Variants in TXNDC16 observed in about 807,000 individuals in gnomAD.
TXNDC16 encodes the protein thioredoxin domain-containing protein 16.
In TXNDC16, 74 loss-of-function variants were observed where a neutral mutation model predicts 85.6. The ratio of observed to expected loss-of-function variants is 0.86; its 90% CI spans 0.72 to 1.05. The LOEUF is 1.05. Among genes scored for constraint, TXNDC16 ranks in the 50% least tolerant of loss-of-function variants. The pLI is 0.00. For missense variants in TXNDC16, 959 were observed against 947.0 expected (o/e 1.01, Z -0.17); for synonymous variants, 335 against 326.5 (o/e 1.03, Z -0.28).
chr14:52,473,020 T>C (rs2035944443), intron 14 of TXNDC16, among the ~76,000 whole-genome samples: 1 of 152,126 alleles, frequency 6.6e-6, no homozygotes, highest in Non-Finnish European at 1.5e-5. Flanking sequence ...AAGATTAAGG[T>C]GGGGCGACCA....
chr14:52,550,895 G>A (rs2038029147), intron 1 of TXNDC16, among the ~76,000 whole-genome samples: 1 of 152,140 alleles, frequency 6.6e-6, no homozygotes, highest in Non-Finnish European at 1.5e-5. Context: ...GAAGAGAATT[G>A]TGTACCGCCC....
At chr14:52,540,439 A>G (rs766169835) in intron 4 of TXNDC16, among the ~76,000 whole-genome samples, 14 of 152,150 alleles carry the variant, frequency 9.2e-5, no homozygotes, top group Non-Finnish European at 2.1e-4. Flanking sequence ...AGCCTGACCA[A>G]TATGGTGAAA....
At chr14:52,527,053 T>C (rs2037353137) in intron 6 of TXNDC16, among the ~76,000 whole-genome samples, 1 of 152,240 alleles carries the variant, frequency 6.6e-6, no homozygotes, top group African/African-American at 2.4e-5. Context: ...CATCTTTTCA[T>C]CTGTATCCTT....
chr14:52,488,831 G>GGGAAAAAAAAAA (rs1336603891), intron 11 of TXNDC16, among the ~76,000 whole-genome samples: 1 of 89,958 alleles, frequency 1.1e-5, no homozygotes, highest in Non-Finnish European at 2.2e-5. Context: ...GAGACTCTGG[G>GGGAAAAAAAAAA]AAAAAAAAAA....
At chr14:52,543,289 G>A (rs534929437) in intron 3 of TXNDC16, 109 bp downstream of exon 3, 1 of 1,196,360 alleles carries the variant, frequency 8.4e-7, no homozygotes, top group Admixed American at 2.6e-5. Context: ...TATAGTAACA[G>A]CTATATAGCA....
intron 6 of TXNDC16, among the ~76,000 whole-genome samples, chr14:52,529,574 TA>T (rs2037430890): frequency 1.1e-5 from 1 of 93,014 alleles, no homozygotes; most frequent in African/African-American, 4.9e-5. Flanking sequence ...CTATTATATA[TA>T]ATATATATAA....
chr14:52,520,904 T>C (rs1313627652), intron 6 of TXNDC16, among the ~76,000 whole-genome samples: 2 of 152,154 alleles, frequency 1.3e-5, no homozygotes, highest in South Asian at 2.1e-4. Context: ...AGGAAACTTT[T>C]ATATCCTTTA....
intron 11 of TXNDC16, among the ~76,000 whole-genome samples, chr14:52,489,475 T>A (rs775162038): frequency 6.6e-6 from 1 of 152,194 alleles, no homozygotes; most frequent in Non-Finnish European, 1.5e-5. Flanking sequence ...TGCTATCACA[T>A]ATCTTCATTT....
intron 1 of TXNDC16, among the ~76,000 whole-genome samples, chr14:52,544,951 A>G (rs536832071): frequency 6.6e-6 from 1 of 152,262 alleles, no homozygotes; most frequent in East Asian, 1.9e-4. Flanking sequence ...AAACCAGCCT[A>G]TTTTAAAGCT....
chr14:52,534,778 A>C (rs1040180644), intron 6 of TXNDC16, among the ~76,000 whole-genome samples: 3 of 152,216 alleles, frequency 2.0e-5, no homozygotes, highest in Non-Finnish European at 4.4e-5. Flanking sequence ...CTAAATTCCT[A>C]CAGAACAGAA....
chr14:52,539,540 A>T (rs1347301435), intron 4 of TXNDC16, among the ~76,000 whole-genome samples: 1 of 152,220 alleles, frequency 6.6e-6, no homozygotes, highest in Non-Finnish European at 1.5e-5. Flanking sequence ...CATGGTAGTG[A>T]TGTATCCTGA....
intron 16 of TXNDC16, among the ~76,000 whole-genome samples, chr14:52,459,751 G>T (rs1373652349): frequency 6.6e-6 from 1 of 152,174 alleles, no homozygotes; most frequent in African/African-American, 2.4e-5. Context: ...GGGATGCAAG[G>T]TTAGTTCAAC....
At chr14:52,477,091 G>A (rs1230459793) in intron 14 of TXNDC16, among the ~76,000 whole-genome samples, 1 of 152,094 alleles carries the variant, frequency 6.6e-6, no homozygotes, top group African/African-American at 2.4e-5. Flanking sequence ...CCTAAGTGGA[G>A]GAAAGATACA....
chr14:52,529,901 A>G (rs2037453014), intron 6 of TXNDC16, among the ~76,000 whole-genome samples: 1 of 104,844 alleles, frequency 9.5e-6, no homozygotes, highest in South Asian at 3.0e-4. Context: ...TATATTATAT[A>G]TTATATATTA....
chr14:52,524,650 C>T (rs1427863908), intron 6 of TXNDC16, among the ~76,000 whole-genome samples: 2 of 152,076 alleles, frequency 1.3e-5, no homozygotes, highest in Non-Finnish European at 2.9e-5. Context: ...CATCACCATG[C>T]CTGGCTAAAT....
rs921032153 is a variant in TXNDC16, at chr14:52,550,413, G to T, written c.-182+1903C>A. ...AGTTTATCATTTCAGACCCAAGGAG[G>T]CAATAAAAGGAGTCAACATCTCTCC... On this transcript the variant is annotated intron_variant, in intron 1 of 20. Coordinates refer to ENST00000281741, the MANE Select transcript of TXNDC16 (RefSeq NM_020784.3). Among the ~76,000 whole-genome samples the T allele has an allele frequency of 6.1e-4, 93 of 152,166 alleles. 1 individual carries two copies. The highest frequency in any genetic ancestry group is 1.8e-4 in the Non-Finnish European group (12 of 68,032).
At chr14:52,479,338 A>G (rs2036092845) in intron 14 of TXNDC16, among the ~76,000 whole-genome samples, 1 of 152,162 alleles carries the variant, frequency 6.6e-6, no homozygotes, top group African/African-American at 2.4e-5. Flanking sequence ...AGAAAGAAAT[A>G]AAGGCATCCA....
rs1237171989 is a variant in TXNDC16, at chr14:52,470,103, A to G, written c.1552T>C (p.Tyr518His). Residue 518 changes from tyrosine to histidine, a missense_variant, in exon 16 of 21, where the codon TAT (tyrosine) becomes CAT (histidine). By Grantham distance (83) the Tyr-to-His change is moderately conservative. Transcript: ENST00000281741. ...CTAGAATACAAGATGAGGTCTTTAT[A>G]TAATTCCCCACTTAAATATTCTTCT... is the stretch of plus-strand genomic sequence containing the variant. ...EAEEYLSGELYKDLILYSSVS... is the reference protein window; with the variant it reads ...EAEEYLSGELHKDLILYSSVS... 1.2e-6 allele frequency: 2 copies of G among 1,611,258 alleles called. No individual in the cohort carries two copies. Among genetic ancestry groups the G allele is most frequent in the Admixed American group, 3.3e-5 (2 of 59,802 alleles).
rs1266454627 is a variant in TXNDC16, at chr14:52,529,500, AT to A, written c.392+7218del. ...TAAAAAGAAAAAATACCTACTATAT[AT>A]TATATATAATGCCTATTATATATAT... On this transcript the variant is annotated intron_variant, in intron 6 of 20. Transcript: ENST00000281741. 1.8e-4 allele frequency among the ~76,000 whole-genome samples: 25 copies of A among 139,876 alleles called. 4 individuals carry two copies. Among genetic ancestry groups the A allele is most frequent in the African/African-American group, 5.3e-4 (20 of 37,690 alleles). The allele number at this position is 139,876 out of a possible 152,430, so 91.8% of individuals were successfully genotyped here.
Sources: allele counts gnomAD v4.1 joint callset (sites outside exome capture counted in the v4.1 genomes callset), GRCh38; gene constraint gnomAD v4.1.1; transcripts MANE v1.5; gene names NCBI Gene and HGNC (gene_info 2026-07-23, HGNC 2026-07-21).